OGDH: variants seen among roughly 807,000 people sequenced by gnomAD.
The protein encoded by OGDH is 2-oxoglutarate dehydrogenase complex component E1.
OGDH carries 38 observed loss-of-function variants against 116.6 expected under a neutral mutation model. That is an observed-to-expected ratio of 0.33 (90% CI 0.25 to 0.43). The LOEUF (loss-of-function observed/expected upper bound fraction) is 0.43. Among genes scored for constraint, OGDH ranks in the 20% least tolerant of loss-of-function variants. The pLI is 1.00. For synonymous variants in OGDH, 488 were observed against 533.3 expected, an observed-to-expected ratio of 0.92 and a Z score of 1.17; for missense variants, 825 against 1,357.2, an observed-to-expected ratio of 0.61 and a Z score of 6.16.
intron 19 of OGDH, 56 bp from the exon 20 acceptor site, chr7:44,701,483 ACCTT>A (rs1377339251): frequency 1.6e-4 from 246 of 1,499,186 alleles, no homozygotes; most frequent in Non-Finnish European, 2.2e-4. Flanking sequence ...CTTGCTTTTG[ACCTT>A]CCTTCTGGAA....
intron 4 of OGDH, among the ~76,000 whole-genome samples, chr7:44,650,969 G>A (rs1310542939): frequency 6.6e-6 from 1 of 152,168 alleles, no homozygotes; most frequent in Non-Finnish European, 1.5e-5. Flanking sequence ...CCTCTCCTTG[G>A]GGAAACAGGC....
chr7:44,637,973 C>T (rs1785748534), intron 2 of OGDH, among the ~76,000 whole-genome samples: 1 of 152,178 alleles, frequency 6.6e-6, no homozygotes, highest in South Asian at 2.1e-4. Flanking sequence ...TGAGTGCTTT[C>T]CCGCACCCCT....
intron 4 of OGDH, among the ~76,000 whole-genome samples, chr7:44,658,966 G>A (rs776957147): frequency 3.9e-5 from 6 of 151,960 alleles, no homozygotes; most frequent in Non-Finnish European, 7.4e-5. Flanking sequence ...CTCCCAAGTA[G>A]CAGGGGGCTA....
intron 1 of OGDH, among the ~76,000 whole-genome samples, chr7:44,619,151 G>A (rs1191360738): frequency 1.3e-5 from 2 of 152,138 alleles, no homozygotes; most frequent in Non-Finnish European, 2.9e-5. Context: ...CTTGACCTGT[G>A]CAACTCTTAA....
At chr7:44,671,972 G>C (rs866644614) in intron 5 of OGDH, among the ~76,000 whole-genome samples, 2 of 151,982 alleles carry the variant, frequency 1.3e-5, no homozygotes, top group Admixed American at 1.3e-4. Context: ...GGGAGGCTGA[G>C]GCAGGAGAAT....
chr7:44,634,416 C>T (rs544997470), intron 2 of OGDH, among the ~76,000 whole-genome samples: 2 of 152,304 alleles, frequency 1.3e-5, no homozygotes, highest in South Asian at 4.1e-4. Context: ...ATAGAGCAGC[C>T]ACCTTTAGTC....
chr7:44,650,066 T>C (rs1325962180), intron 4 of OGDH, among the ~76,000 whole-genome samples: 2 of 150,028 alleles, frequency 1.3e-5, no homozygotes, highest in Admixed American at 1.3e-4. Context: ...AGAGAGAGAG[T>C]CAGGGAGTAG....
At chr7:44,610,225 T>C (rs976012428) in intron 1 of OGDH, among the ~76,000 whole-genome samples, 1 of 152,228 alleles carries the variant, frequency 6.6e-6, no homozygotes, top group Non-Finnish European at 1.5e-5. Flanking sequence ...GTATTCTAGA[T>C]ACCACTGCTT....
At chr7:44,615,299 G>C (rs1193653507) in intron 1 of OGDH, among the ~76,000 whole-genome samples, 3 of 152,190 alleles carry the variant, frequency 2.0e-5, no homozygotes, top group Non-Finnish European at 4.4e-5. Flanking sequence ...CGGTGTCTGG[G>C]GGGAGGGATT....
chr7:44,616,304 C>T (rs980496840), intron 1 of OGDH, among the ~76,000 whole-genome samples: 3 of 152,010 alleles, frequency 2.0e-5, no homozygotes, highest in Non-Finnish European at 4.4e-5. Context: ...CTGTTTATAC[C>T]ACATCAGTCA....
intron 10 of OGDH, among the ~76,000 whole-genome samples, chr7:44,688,615 A>G (rs1788235229): frequency 6.6e-6 from 1 of 151,184 alleles, no homozygotes; most frequent in Non-Finnish European, 1.5e-5. Flanking sequence ...TATTTTTAGT[A>G]GAGATGGGGT....
At chr7:44,684,691 CT>C in intron 10 of OGDH, among the ~76,000 whole-genome samples, 1 of 152,230 alleles carries the variant, frequency 6.6e-6, no homozygotes, top group East Asian at 1.9e-4. Flanking sequence ...ATTTGATCTG[CT>C]TTCTTTGAAA....
chr7:44,697,716 G>A lies in OGDH; in HGVS notation c.2292G>A (p.Pro764=), dbSNP rs375773637. The change falls in exon 17 of 23, where the codon CCG becomes CCA. Residue 764 remains proline, a synonymous_variant. Transcript: ENST00000222673. This position sits in a 1 kb window ranked among gnomAD's most constrained non-coding sequence, Gnocchi z 6.0. The stretch of plus-strand genomic sequence containing the variant: ...GTATCATCGACCAGTTCATCTGCCC[G>A]GGACAAGCCAAGTGGGTGCGGCAGA... ...AQCIIDQFIC[P]GQAKWVRQNG... 2.3e-5 allele frequency: 37 copies of A among 1,614,118 alleles called. No individual in the cohort carries two copies. The Admixed American group carries it at 2.5e-4, about 11-fold the overall frequency.
At chr7:44,675,028 T>A in intron 7 of OGDH, 150 bp from the exon 8 acceptor site, 1 of 643,212 alleles carries the variant, frequency 1.6e-6, no homozygotes, top group Non-Finnish European at 2.8e-6. Context: ...GGTTCCCACA[T>A]TAGCTCCAGT....
chr7:44,697,538 C>T lies in OGDH; in HGVS notation c.2179+41C>T. On this transcript the variant is annotated intron_variant, in intron 16 of 22. Coordinates refer to ENST00000222673, the MANE Select transcript of OGDH (RefSeq NM_002541.4). This position sits in a 1 kb window ranked among gnomAD's most constrained non-coding sequence, Gnocchi z 6.0. ...CACACCACCAGGGCCTGTCACCCAC[C>T]CACCCCCGCTGGGCCTACTGGCTGG... 1 of 1,613,250 alleles carries T rather than the reference C, an allele frequency of 6.2e-7. No homozygotes were observed. The highest frequency in any genetic ancestry group is 8.5e-7 in the Non-Finnish European group (1 of 1,179,334).
At chr7:44,698,328 A>G in intron 18 of OGDH, 65 bp downstream of exon 18, 1 of 1,526,158 alleles carries the variant, frequency 6.6e-7, no homozygotes, top group Non-Finnish European at 9.1e-7. Context: ...CCTGGGGAAG[A>G]GCAATCTATC....
chr7:44,702,686 G>A (rs755534482), intron 20 of OGDH, among the ~76,000 whole-genome samples: 4 of 152,176 alleles, frequency 2.6e-5, no homozygotes, highest in East Asian at 3.9e-4. Context: ...TCCACCTCCC[G>A]GGTTCACGCC....
intron 1 of OGDH, among the ~76,000 whole-genome samples, chr7:44,614,294 G>T (rs575395437): frequency 7.8e-4 from 109 of 139,606 alleles, no homozygotes; most frequent in Middle Eastern, 3.5e-3. Context: ...CAAGGTTTTG[G>T]TTTTTTTTGT....
chr7:44,695,961 C>T (rs1385597327), intron 12 of OGDH, 64 bp from the exon 13 acceptor site: 2 of 869,058 alleles, frequency 2.3e-6, no homozygotes, highest in East Asian at 2.4e-5. Context: ...TGTGGGGGTA[C>T]AGGTGGGCGT....
Sources: allele counts gnomAD v4.1 joint callset (sites outside exome capture counted in the v4.1 genomes callset), GRCh38; gene constraint gnomAD v4.1.1; non-coding constraint Gnocchi (gnomAD v3.1); transcripts MANE v1.5; gene names NCBI Gene and HGNC (gene_info 2026-07-23, HGNC 2026-07-21).